EPHA1: variants seen among roughly 807,000 people sequenced by gnomAD.
EPHA1 encodes ephrin type-A receptor 1.
EPHA1 carries 92 observed loss-of-function variants against 110.1 expected under a neutral mutation model. The ratio of observed to expected loss-of-function variants is 0.84; its 90% confidence interval spans 0.71 to 0.99. The LOEUF is 0.99. EPHA1 is among the 50% of genes least tolerant of loss of function. EPHA1 has a pLI of 0.00. For synonymous variants in EPHA1, 500 were observed against 516.1 expected, an observed-to-expected ratio of 0.97 and a Z score of 0.42; for missense variants, 1,204 against 1,285.4, an observed-to-expected ratio of 0.94 and a Z score of 0.97.
In EPHA1 at chr7:143,401,372, C is replaced by T; in HGVS notation, c.384G>A (p.Glu128=). ...CKETFNLLYM[E]SDQDVGIQLR... ...GCTGAATGCCCACATCCTGGTCACT[C>T]TCCATGTACAGAAGGTTGAAGGTCT... Residue 128 remains glutamate (E), a synonymous_variant, in exon 3 of 18, where the codon GAG becomes GAA. Coordinates refer to ENST00000275815, the MANE Select transcript of EPHA1 (RefSeq NM_005232.5). This position sits in a 1 kb window ranked among gnomAD's most constrained non-coding sequence, Gnocchi z 4.1. 6.2e-7 allele frequency: 1 copy of T among 1,614,122 alleles called. No individual in the cohort carries two copies. The highest frequency in any genetic ancestry group is 8.5e-7 in the Non-Finnish European group (1 of 1,180,026).
chr7:143,394,418 G>A, intron 14 of EPHA1, 75 bp from the exon 15 acceptor site: 2 of 1,483,176 alleles, frequency 1.3e-6, no homozygotes, highest in Non-Finnish European at 1.8e-6. Flanking sequence ...TTCTTTTATT[G>A]TATTTTTATT....
chr7:143,394,628 G>T (rs578125640), intron 14 of EPHA1, among the ~76,000 whole-genome samples, 180 bp downstream of exon 14: 5 of 152,134 alleles, frequency 3.3e-5, no homozygotes, highest in Middle Eastern at 3.4e-3. Context: ...CACCATGTTC[G>T]CCAGGCTGGT....
Position 143,398,818 on chromosome 7 carries a change from A to G in EPHA1, c.1119T>C (p.Cys373=). The G allele has an allele frequency of 1.2e-6, 2 of 1,613,438 alleles. No homozygotes were observed. The highest frequency in any genetic ancestry group is 2.2e-5 in the South Asian group (2 of 91,082). ...DVRYSVRCSQ[C]QGTAQDGGPC... is the part of the protein sequence containing the mutation. The stretch of plus-strand genomic sequence containing the variant: ...GCCCCCCGTCCTGTGCTGTGCCCTG[A>G]CACTGGGAACACCTCACACTGTATC... Residue 373 remains cysteine (C), a synonymous_variant, in exon 6 of 18, where the codon TGT becomes TGC. Transcript: ENST00000275815.
rs1400467452 is a variant in EPHA1 at position 143,394,287 on chromosome 7, G to A, written c.2409C>T (p.Phe803=). 6.2e-7 allele frequency: 1 copy of A among 1,614,034 alleles called. No homozygotes were observed. The highest frequency in any genetic ancestry group is 8.5e-7 in the Non-Finnish European group (1 of 1,180,036). ...AGCTCCACACATCGCTGGCTGTGGT[G>A]AAGATCCGATGGGCAATGGCTTCAG... is the stretch of plus-strand genomic sequence containing the variant. ...TAPEAIAHRI[F]TTASDVWSFG... Residue 803 remains phenylalanine, a synonymous_variant, in exon 15 of 18, where the codon TTC becomes TTT. Transcript: ENST00000275815.
Position 143,398,397 on chromosome 7 carries a change from A to G in EPHA1, c.1388T>C (p.Leu463Pro). 1 of 1,614,160 alleles carries G rather than the reference A, an allele frequency of 6.2e-7. No individual in the cohort carries two copies. ...CCGGGACCCCGCCCAGGTCAGCTCT[A>G]GTTGCCTCGGTTCTTTCTTCACCAG... ...LRLVKKEPRQ[L>P]ELTWAGSRPR... Residue 463 changes from leucine to proline, a missense_variant, in exon 7 of 18, where the codon CTA becomes CCA. By Grantham distance (98) the Leu-to-Pro change is moderately conservative. Transcript: ENST00000275815.
At position 143,408,733 on chromosome 7, in the gene EPHA1, C is replaced by A. The variant is rs1467190935; in HGVS notation, c.73G>T (p.Ala25Ser). ...LCAPLPPGAR[A>S]KEVTLMDTSK... is the part of the protein sequence containing the mutation. ...GGGCGGGGGTCGGTACCTTCCTTGG[C>A]GCGCGCCCCCGGGGGCAGCGGGGCG... The change falls in exon 1 of 18, where the codon GCC becomes TCC. Residue 25 changes from alanine to serine, a missense_variant. Ala to Ser is a moderately conservative substitution (Grantham distance 99). Coordinates refer to ENST00000275815, the MANE Select transcript of EPHA1 (RefSeq NM_005232.5). 130 of 941,876 alleles carry A rather than the reference C, an allele frequency of 1.4e-4. No individual in the cohort carries two copies. Among genetic ancestry groups the A allele is most frequent in the Middle Eastern group, 3.8e-4 (1 of 2,634 alleles). 58.3% of individuals were successfully genotyped at this position (941,876 alleles called of 1,614,324 possible). A position where few individuals can be genotyped will look rare whatever the true frequency, so the allele number is the denominator to read the frequency against.
intron 3 of EPHA1, among the ~76,000 whole-genome samples, chr7:143,400,659 T>A (rs533757659): frequency 4.1e-4 from 62 of 152,246 alleles, no homozygotes; most frequent in African/African-American, 1.4e-3. Context: ...ATGAACATCG[T>A]GGGTATCAAT....
At chr7:143,397,690 A>T in intron 8 of EPHA1, 33 bp from the exon 9 acceptor site, 2 of 1,611,782 alleles carry the variant, frequency 1.2e-6, no homozygotes, top group Non-Finnish European at 8.5e-7. Context: ...AAGTGTTGGG[A>T]CTCACAGTCC....
At chr7:143,408,387 G>A (rs1268361537) in intron 1 of EPHA1, among the ~76,000 whole-genome samples, 1 of 152,098 alleles carries the variant, frequency 6.6e-6, no homozygotes, top group Non-Finnish European at 1.5e-5. Flanking sequence ...TCTCTGGGGT[G>A]GGCACCTGAA....
chr7:143,408,430 C>A (rs774589962), intron 1 of EPHA1, among the ~76,000 whole-genome samples: 3 of 151,998 alleles, frequency 2.0e-5, no homozygotes, highest in Non-Finnish European at 4.4e-5. Flanking sequence ...GGCAGGGGTG[C>A]GGGTGCAGGT....
chr7:143,391,867 G>T, intron 16 of EPHA1, 92 bp from the exon 17 acceptor site: 1 of 1,546,522 alleles, frequency 6.5e-7, no homozygotes. Flanking sequence ...ACTGAAGTTC[G>T]GTGTCTGGGC....
Position 143,391,550 on chromosome 7 carries a change from G to T in EPHA1, c.2853-15C>A, listed in dbSNP as rs571149481. On this transcript the variant is annotated splice_polypyrimidine_tract_variant and intron_variant, in intron 17 of 17. Coordinates refer to ENST00000275815, the MANE Select transcript of EPHA1 (RefSeq NM_005232.5). ...GCGTCAGGTCCCTGTGGGCAAGGAAGGGTGGGGGCATGAGTCCGGAGGCTC... is the reference window on the plus strand; with the variant it reads ...GCGTCAGGTCCCTGTGGGCAAGGAATGGTGGGGGCATGAGTCCGGAGGCTC... 9.3e-6 allele frequency: 15 copies of T among 1,614,194 alleles called. No individual in the cohort carries two copies. Among genetic ancestry groups the T allele is most frequent in the Non-Finnish European group, 1.3e-5 (15 of 1,180,008 alleles).
At position 143,401,407 on chromosome 7, in the gene EPHA1, C is replaced by T. The variant is rs972897874; in HGVS notation, c.349G>A (p.Gly117Ser). 3 of 1,614,120 alleles carry T rather than the reference C, an allele frequency of 1.9e-6. No individual in the cohort carries two copies. Among genetic ancestry groups the T allele is most frequent in the East Asian group, 2.2e-5 (1 of 44,872 alleles). ...KSFPGGAGPL[G>S]CKETFNLLYM... ...AGAAGGTTGAAGGTCTCCTTGCAGC[C>T]CAGAGGCCCGGCTCCCCCAGGGAAA... Residue 117 changes from glycine (G) to serine (S), a missense_variant, in exon 3 of 18, where the codon GGC becomes AGC. By Grantham distance (56) the Gly-to-Ser change is moderately conservative (BLOSUM62 0). Coordinates refer to ENST00000275815, the MANE Select transcript of EPHA1 (RefSeq NM_005232.5). This position sits in a 1 kb window ranked among gnomAD's most constrained non-coding sequence, Gnocchi z 4.1.
Position 143,398,754 on chromosome 7 carries a change from C to T in EPHA1, c.1183G>A (p.Gly395Arg). The change falls in exon 6 of 18, where the codon GGG becomes AGG. Residue 395 changes from glycine to arginine, a missense_variant. Coordinates refer to ENST00000275815, the MANE Select transcript of EPHA1 (RefSeq NM_005232.5). ...GCAGGTGTGGTGAGCCCCCGGGCCC[C>T]CGGCGAGAAGTGCACGCCCACCCCA... ...PCGVGVHFSPGARGLTTPAVH... is the reference protein window; with the variant it reads ...PCGVGVHFSPRARGLTTPAVH... The T allele has an allele frequency of 1.2e-6, 2 of 1,614,022 alleles. No individual in the cohort carries two copies. The highest frequency in any genetic ancestry group is 2.2e-5 in the South Asian group (2 of 91,088).
intron 2 of EPHA1, among the ~76,000 whole-genome samples, chr7:143,402,264 C>G (rs1178489417): frequency 6.6e-6 from 1 of 152,122 alleles, no homozygotes; most frequent in Non-Finnish European, 1.5e-5. Flanking sequence ...AGGGTAAGAA[C>G]AAGCACAGAA....
chr7:143,399,477 C>A (rs1283417688), intron 4 of EPHA1, 64 bp from the exon 5 acceptor site: 2 of 1,542,494 alleles, frequency 1.3e-6, no homozygotes, highest in East Asian at 4.5e-5. Context: ...ACCACCACCA[C>A]CCCTTCCTGC....
At chr7:143,392,065 C>T (rs1360936118) in intron 16 of EPHA1, among the ~76,000 whole-genome samples, 1 of 152,216 alleles carries the variant, frequency 6.6e-6, no homozygotes, top group African/African-American at 2.4e-5. Flanking sequence ...GCTGGAGTGG[C>T]CGGTTCTGGG....
In EPHA1 at chr7:143,401,568, A is replaced by G; in HGVS notation, c.188T>C (p.Leu63Pro). ...CATTGGGCAGTCCTGGTACATGTAC[A>G]GGGGTGTCCCATTCAGTATCTGTTG... ...EQQQILNGTP[L>P]YMYQDCPMQG... The change falls in exon 3 of 18, where the codon CTG becomes CCG. Residue 63 changes from leucine to proline, a missense_variant. Physicochemically the swap from Leu to Pro is moderately conservative, Grantham distance 98. Coordinates refer to ENST00000275815, the MANE Select transcript of EPHA1 (RefSeq NM_005232.5). This position sits in a 1 kb window ranked among gnomAD's most constrained non-coding sequence, Gnocchi z 4.1. 6.2e-7 allele frequency: 1 copy of G among 1,614,064 alleles called. No individual in the cohort carries two copies. Among genetic ancestry groups the G allele is most frequent in the Non-Finnish European group, 8.5e-7 (1 of 1,179,944 alleles).
chr7:143,393,405 G>C lies in EPHA1; in HGVS notation c.2696+266C>G, dbSNP rs911247894. Among the ~76,000 whole-genome samples the C allele has an allele frequency of 4.6e-5, 7 of 152,146 alleles. No homozygotes were observed. Among genetic ancestry groups the C allele is most frequent in the Admixed American group, 4.6e-4 (7 of 15,288 alleles). ...TGGCTCCGGGAGTGTCTTAGGTGAG[G>C]CTGCCTGAGAAGAGAAAAGATGGGC... On this transcript the variant is annotated intron_variant, in intron 16 of 17. Coordinates refer to ENST00000275815, the MANE Select transcript of EPHA1 (RefSeq NM_005232.5). This position sits in a 1 kb window ranked among gnomAD's most constrained non-coding sequence, Gnocchi z 5.6.
Sources: gnomAD v4.1 joint callset for allele counts (sites outside exome capture counted in the v4.1 genomes callset) on GRCh38, gnomAD v4.1.1 for gene constraint, Gnocchi (gnomAD v3.1) non-coding constraint, MANE v1.5 for transcripts, NCBI Gene and HGNC (gene_info 2026-07-23, HGNC 2026-07-21) for gene names.